The following SOS1 variants were observed in gnomAD, a reference collection of about 807,000 sequenced individuals.
SOS1 encodes SOS Ras/Rac guanine nucleotide exchange factor 1, also known as son of sevenless homolog 1.
In SOS1, 25 loss-of-function variants were observed where a neutral mutation model predicts 157.6. The ratio of observed to expected loss-of-function variants is 0.16; its 90% CI spans 0.12 to 0.22. SOS1 has a LOEUF of 0.22. Among genes scored for constraint, SOS1 ranks in the 10% least tolerant of loss-of-function variants. The pLI, the probability that SOS1 is intolerant of heterozygous loss-of-function variation, is 1.00. For synonymous variants in SOS1, 528 were observed against 534.0 expected, an observed-to-expected ratio of 0.99 and a Z score of 0.16; for missense variants, 1,237 against 1,599.1, an observed-to-expected ratio of 0.77 and a Z score of 3.86.
intron 6 of SOS1, among the ~76,000 whole-genome samples, chr2:39,035,864 A>G (rs911383977): frequency 3.3e-5 from 5 of 152,236 alleles, no homozygotes; most frequent in African/African-American, 1.2e-4. Flanking sequence ...GGTAAGGTAT[A>G]AACATTTAGA....
In SOS1 at chr2:39,058,703, G is replaced by A; in HGVS notation, c.315C>T (p.Leu105=). ...EKRKRRNPLS[L]PVEKIHPLLK... Reference sequence around the variant, plus strand: ...ATAAAGGATGAATTTTTTCTACTGGGAGAGATAAAGGGTTTCTTCGCTTCC... The same window carrying A: ...ATAAAGGATGAATTTTTTCTACTGGAAGAGATAAAGGGTTTCTTCGCTTCC... The change falls in exon 3 of 23, where the codon CTC becomes CTT. Residue 105 remains leucine, a synonymous_variant. Coordinates refer to ENST00000402219, the MANE Select transcript of SOS1 (RefSeq NM_005633.4). The A allele has an allele frequency of 6.2e-7, 1 of 1,612,838 alleles. No homozygotes were observed. The highest frequency in any genetic ancestry group is 8.5e-7 in the Non-Finnish European group (1 of 1,179,138).
chr2:39,087,202 T>G (rs1672412245), intron 1 of SOS1, among the ~76,000 whole-genome samples: 1 of 152,210 alleles, frequency 6.6e-6, no homozygotes, highest in African/African-American at 2.4e-5. Flanking sequence ...CACAGAATCA[T>G]AGATCTGCTT....
intron 5 of SOS1, among the ~76,000 whole-genome samples, chr2:39,053,018 T>G (rs534725074): frequency 1.8e-4 from 28 of 152,220 alleles, no homozygotes; most frequent in African/African-American, 6.7e-4. Context: ...CCAGGCGTGG[T>G]GGCACACACC....
chr2:39,106,231 A>C (rs1337341413), intron 1 of SOS1, among the ~76,000 whole-genome samples: 1 of 152,012 alleles, frequency 6.6e-6, no homozygotes, highest in Non-Finnish European at 1.5e-5. Flanking sequence ...ATGAAGCATT[A>C]AAGTAGCATT....
chr2:39,097,825 A>G (rs1376507174), intron 1 of SOS1, among the ~76,000 whole-genome samples: 1 of 152,180 alleles, frequency 6.6e-6, no homozygotes, highest in African/African-American at 2.4e-5. Flanking sequence ...TTGGCCTCCC[A>G]AAGTGCTGGG....
chr2:39,060,607 G>A (rs1468431960), intron 2 of SOS1, among the ~76,000 whole-genome samples: 1 of 152,080 alleles, frequency 6.6e-6, no homozygotes, highest in Admixed American at 6.5e-5. Context: ...TGTATTTTTA[G>A]TAGAGATGGG....
At chr2:39,024,412 A>T (rs913005701) in intron 8 of SOS1, among the ~76,000 whole-genome samples, 3 of 152,152 alleles carry the variant, frequency 2.0e-5, no homozygotes, top group Non-Finnish European at 4.4e-5. Context: ...ATACCACTGA[A>T]AAGAAATGGG....
intron 1 of SOS1, among the ~76,000 whole-genome samples, chr2:39,084,328 T>C (rs192949258): frequency 4.6e-5 from 7 of 152,224 alleles, no homozygotes; most frequent in African/African-American, 1.7e-4. Flanking sequence ...CATTAAAAAA[T>C]GTAAAATACA....
intron 6 of SOS1, among the ~76,000 whole-genome samples, chr2:39,046,463 T>TA: frequency 6.6e-6 from 1 of 151,824 alleles, no homozygotes; most frequent in Non-Finnish European, 1.5e-5. Flanking sequence ...ACTTTCTAAT[T>TA]TTTTATTTAT....
chr2:39,043,145 G>C (rs1177597713), intron 6 of SOS1, among the ~76,000 whole-genome samples: 1 of 152,012 alleles, frequency 6.6e-6, no homozygotes, highest in East Asian at 1.9e-4. Context: ...TCCTTTATTA[G>C]GTTAAGAAAG....
chr2:39,058,802 T>C lies in SOS1; in HGVS notation c.216A>G (p.Glu72=), dbSNP rs368052091. ...AQPRSASDVE[E]RVQKSFPHPI... Reference sequence around the variant, plus strand: ...GATGAGGGAAACTTTTTTGAACACGTTCCTTGGAAAATAGGAAAATAACAA... The same window carrying C: ...GATGAGGGAAACTTTTTTGAACACGCTCCTTGGAAAATAGGAAAATAACAA... The change falls in exon 3 of 23, where the codon GAA becomes GAG. Residue 72 remains glutamate, a splice_region_variant and synonymous_variant. Coordinates refer to ENST00000402219, the MANE Select transcript of SOS1 (RefSeq NM_005633.4). 4.3e-6 allele frequency: 7 copies of C among 1,611,104 alleles called. No individual in the cohort carries two copies. Among genetic ancestry groups the C allele is most frequent in the Non-Finnish European group, 5.9e-6 (7 of 1,177,858 alleles).
intron 8 of SOS1, among the ~76,000 whole-genome samples, chr2:39,027,109 G>A (rs972142394): frequency 2.0e-5 from 3 of 152,122 alleles, no homozygotes; most frequent in Non-Finnish European, 2.9e-5. Flanking sequence ...GCAGAATATT[G>A]AGCATTTGAT....
chr2:38,989,196 G>T, intron 21 of SOS1, 74 bp downstream of exon 21: 1 of 1,018,276 alleles, frequency 9.8e-7, no homozygotes, highest in South Asian at 1.3e-5. Context: ...AAGAGTTTTA[G>T]CAGGAAAGGT....
chr2:39,096,754 C>T (rs915441814), intron 1 of SOS1, among the ~76,000 whole-genome samples: 6 of 151,864 alleles, frequency 4.0e-5, no homozygotes, highest in East Asian at 1.9e-4. Flanking sequence ...GATGTGGTGG[C>T]GGGCGCCTGT....
intron 1 of SOS1, among the ~76,000 whole-genome samples, chr2:39,087,390 T>A (rs543177445): frequency 6.6e-6 from 1 of 152,208 alleles, no homozygotes; most frequent in Non-Finnish European, 1.5e-5. Context: ...CATAATAAAG[T>A]GGTCTTAAGT....
In SOS1 at chr2:38,997,246, A is replaced by C. The variant is rs762930442; in HGVS notation, c.2964+7T>G. On this transcript the variant is annotated splice_region_variant and intron_variant, in intron 18 of 22. Coordinates refer to ENST00000402219, the MANE Select transcript of SOS1 (RefSeq NM_005633.4). ...AGAAGTATGAATCTTTAAATAATTC[A>C]ACTTACTTTGATATCTGATTCTACT... is the stretch of plus-strand genomic sequence containing the variant. 1 of 1,597,168 alleles carries C rather than the reference A, an allele frequency of 6.3e-7. No individual in the cohort carries two copies. The highest frequency in any genetic ancestry group is 2.2e-5 in the East Asian group (1 of 44,648).
intron 1 of SOS1, among the ~76,000 whole-genome samples, chr2:39,092,783 A>C (rs888028429): frequency 1.3e-5 from 2 of 152,238 alleles, no homozygotes; most frequent in Non-Finnish European, 2.9e-5. Context: ...CGTGATATGA[A>C]ATAAAATATC....
chr2:39,106,948 A>G (rs1180252870), intron 1 of SOS1, among the ~76,000 whole-genome samples: 2 of 152,212 alleles, frequency 1.3e-5, no homozygotes, highest in Non-Finnish European at 2.9e-5. Context: ...GTGGTTTTGC[A>G]TATTAAGTAT....
In SOS1 at chr2:39,099,528, C is replaced by T. The variant is rs186720028; in HGVS notation, c.87+20808G>A. 1.4e-3 allele frequency among the ~76,000 whole-genome samples: 210 copies of T among 152,250 alleles called. 1 individual carries two copies. The highest frequency in any genetic ancestry group is 4.6e-3 in the African/African-American group (192 of 41,542). On this transcript the variant is annotated intron_variant, in intron 1 of 22. Coordinates refer to ENST00000402219, the MANE Select transcript of SOS1 (RefSeq NM_005633.4). ...AATTGATTGTGCAATAGTTGCACAG[C>T]TCTGTAAATATACTAAAAACTACTG...
Sources: gnomAD v4.1 joint callset for allele counts (sites outside exome capture counted in the v4.1 genomes callset) on GRCh38, gnomAD v4.1.1 for gene constraint, MANE v1.5 for transcripts, NCBI Gene and HGNC (gene_info 2026-07-23, HGNC 2026-07-21) for gene names.